Variants in GRWD1 observed in about 807,000 individuals in gnomAD.
GRWD1 encodes glutamate-rich WD repeat-containing protein 1.
A neutral mutation model predicts 45.3 loss-of-function variants in GRWD1; 29 were observed. The observed-to-expected ratio is 0.64, with a 90% CI of 0.48 to 0.87. GRWD1 has a LOEUF of 0.87. GRWD1 is among the 40% of genes least tolerant of loss of function. GRWD1 has a pLI of 0.00. For missense variants in GRWD1, 592 were observed against 618.8 expected, an observed-to-expected ratio of 0.96 and a Z score of 0.46; for synonymous variants, 262 against 257.6, an observed-to-expected ratio of 1.02 and a Z score of -0.16.
chr19:48,456,811 G>GCGATTCCCTCCATTTCTTTT lies in GRWD1; in HGVS notation c.*3788_*3807dup, dbSNP rs1471997453. ...CTTTGGTCCACCCTGACAGGCTGCTGCGATTCCCTCCATTTCTTTTCTTCC... is the reference window on the plus strand; with the variant it reads ...CTTTGGTCCACCCTGACAGGCTGCTGCGATTCCCTCCATTTCTTTTCGATTCCCTCCATTTCTTTTCTTCC... On this transcript the variant is annotated 3_prime_UTR_variant, in exon 7 of 7. Transcript: ENST00000253237. 4 of 151,956 alleles carry GCGATTCCCTCCATTTCTTTT rather than the reference G, an allele frequency of 2.6e-5. No individual in the cohort carries two copies. The highest frequency in any genetic ancestry group is 2.0e-4 in the Admixed American group (3 of 15,252). 9.4% of individuals were successfully genotyped at this position (151,956 alleles called of 1,614,324 possible). A position where few individuals can be genotyped will look rare whatever the true frequency, so the allele number is the denominator to read the frequency against.
chr19:48,446,906 TC>T, intron 3 of GRWD1, 63 bp downstream of exon 3: 1 of 1,373,880 alleles, frequency 7.3e-7, no homozygotes, highest in Non-Finnish European at 9.9e-7. Flanking sequence ...ATCCCCTGTG[TC>T]CATAACTCCC....
rs560539422 is a variant in GRWD1 at position 48,450,146 on chromosome 19, G to A, written c.469-167G>A. ...CCCAGTTACCATGCTGGTTTTTGCA[G>A]GTTGTGATTTTCTTCCCACAGAGGT... is the stretch of plus-strand genomic sequence containing the variant. On this transcript the variant is annotated intron_variant, in intron 3 of 6. Coordinates refer to ENST00000253237, the MANE Select transcript of GRWD1 (RefSeq NM_031485.4). This position sits in a 1 kb window ranked among gnomAD's most constrained non-coding sequence, Gnocchi z 5.1. Among the ~76,000 whole-genome samples, 2 of 151,908 alleles carry A rather than the reference G, an allele frequency of 1.3e-5. No individual in the cohort carries two copies. The highest frequency in any genetic ancestry group is 4.2e-4 in the South Asian group (2 of 4,812).
intron 6 of GRWD1, 124 bp downstream of exon 6, chr19:48,451,355 A>C: frequency 1.3e-6 from 1 of 797,470 alleles, no homozygotes; most frequent in Non-Finnish European, 1.9e-6. Flanking sequence ...TTAGAACTAG[A>C]CTCCTGCCTC....
rs1236279531 is a variant in GRWD1, at chr19:48,453,126, G to C, written c.*101G>C. On this transcript the variant is annotated 3_prime_UTR_variant, in exon 7 of 7. Transcript: ENST00000253237. ...TCAGGTCTGTTGACTGAGACTGGCCGGCCTGTGGGCTGCCGTGATGGATTC... is the reference window on the plus strand; with the variant it reads ...TCAGGTCTGTTGACTGAGACTGGCCCGCCTGTGGGCTGCCGTGATGGATTC... The C allele has an allele frequency of 9.6e-7, 1 of 1,042,302 alleles. No individual in the cohort carries two copies. 64.6% of individuals were successfully genotyped at this position (1,042,302 alleles called of 1,614,324 possible).
chr19:48,452,813 C>G lies in GRWD1; in HGVS notation c.1129C>G (p.Gln377Glu). Residue 377 changes from glutamine to glutamate, a missense_variant, in exon 7 of 7, where the codon CAG (glutamine) becomes GAG (glutamate). Physicochemically the swap from Gln to Glu is conservative, Grantham distance 29. Coordinates refer to ENST00000253237, the MANE Select transcript of GRWD1 (RefSeq NM_031485.4). This position sits in a 1 kb window ranked among gnomAD's most constrained non-coding sequence, Gnocchi z 5.1. Reference sequence around the variant, plus strand: ...CTTTGCAGCCTCGGGTGCAGACCACCAGATCACACAGTGGGACCTGGCAGT... The same window carrying G: ...CTTTGCAGCCTCGGGTGCAGACCACGAGATCACACAGTGGGACCTGGCAGT... ...GVFAASGADH[Q>E]ITQWDLAVER... is the part of the protein sequence containing the mutation. The G allele has an allele frequency of 1.2e-6, 2 of 1,613,398 alleles. No individual in the cohort carries two copies. The highest frequency in any genetic ancestry group is 1.7e-5 in the Admixed American group (1 of 59,996).
At chr19:48,446,876 C>T in intron 3 of GRWD1, 33 bp downstream of exon 3, 7 of 1,589,608 alleles carry the variant, frequency 4.4e-6, no homozygotes, top group Non-Finnish European at 6.0e-6. Context: ...GCTCTGCATA[C>T]TCTGAAACAC....
At position 48,454,513 on chromosome 19, in the gene GRWD1, C is replaced by G. The variant is rs1971513136; in HGVS notation, c.*1488C>G. On this transcript the variant is annotated 3_prime_UTR_variant, in exon 7 of 7. Coordinates refer to ENST00000253237, the MANE Select transcript of GRWD1 (RefSeq NM_031485.4). Reference sequence around the variant, plus strand: ...CCAAGGACAGACTACAGCCCCTCAGCACCCACAGAGGCTTCCCCTCAGCCC... The same window carrying G: ...CCAAGGACAGACTACAGCCCCTCAGGACCCACAGAGGCTTCCCCTCAGCCC... 2.0e-5 allele frequency: 3 copies of G among 152,538 alleles called. No homozygotes were observed. The highest frequency in any genetic ancestry group is 7.2e-5 in the African/African-American group (3 of 41,428). The allele number at this position is 152,538 out of a possible 1,614,324, so 9.4% of individuals were successfully genotyped here. A position where few individuals can be genotyped will look rare whatever the true frequency, so the allele number is the denominator to read the frequency against.
In GRWD1 at chr19:48,452,252, A is replaced by G. The variant is rs1971483624; in HGVS notation, c.1024-456A>G. On this transcript the variant is annotated intron_variant, in intron 6 of 6. Transcript: ENST00000253237. This position sits in a 1 kb window ranked among gnomAD's most constrained non-coding sequence, Gnocchi z 5.1. ...GTAACTGGGATTACAGGCATGTGAC[A>G]CCAGCCCGGCTAATTTTGTATTTTT... Among the ~76,000 whole-genome samples the G allele has an allele frequency of 6.6e-6, 1 of 151,822 alleles. No individual in the cohort carries two copies. The highest frequency in any genetic ancestry group is 6.6e-5 in the Admixed American group (1 of 15,248).
At position 48,446,499 on chromosome 19, in the gene GRWD1, A is replaced by C. The variant is rs1205314817; in HGVS notation, c.302A>C (p.Asn101Thr). ...ACCCAGGCTGAGAGCGCCCAGAGCA[A>C]CAGGTAAGACCCGAGGCTTTTCCAG... ...AGTQAESAQS[N>T]RLMMLRMHNL... Residue 101 changes from asparagine to threonine, a missense_variant, in exon 2 of 7, where the codon AAC (asparagine) becomes ACC (threonine). Physicochemically the swap from Asn to Thr is moderately conservative, Grantham distance 65. Transcript: ENST00000253237. 2.5e-6 allele frequency: 4 copies of C among 1,613,550 alleles called. No homozygotes were observed. Among genetic ancestry groups the C allele is most frequent in the African/African-American group, 2.7e-5 (2 of 74,894 alleles).
At chr19:48,447,444 T>C (rs969905993) in intron 3 of GRWD1, among the ~76,000 whole-genome samples, 7 of 151,890 alleles carry the variant, frequency 4.6e-5, no homozygotes, top group African/African-American at 1.7e-4. Flanking sequence ...GGTTTCACAA[T>C]GTTGATCAGG....
intron 6 of GRWD1, among the ~76,000 whole-genome samples, chr19:48,451,591 G>A (rs1971476466): frequency 6.6e-6 from 1 of 152,182 alleles, no homozygotes; most frequent in Non-Finnish European, 1.5e-5. Context: ...CTGAGAATCG[G>A]GGCCCAGCCT....
rs553977500 is a variant in GRWD1, at chr19:48,452,189, T to TCG, written c.1024-518_1024-517insGC. Among the ~76,000 whole-genome samples the TCG allele has an allele frequency of 2.0e-5, 3 of 151,214 alleles. No homozygotes were observed. Among genetic ancestry groups the TCG allele is most frequent in the Non-Finnish European group, 4.4e-5 (3 of 67,878 alleles). ...ATCTCGGCTCACTGCAACCTCCCGC[T>TCG]CCTGGGTTCAAGCGATTCTCCTGCC... On this transcript the variant is annotated intron_variant, in intron 6 of 6. Coordinates refer to ENST00000253237, the MANE Select transcript of GRWD1 (RefSeq NM_031485.4). This position sits in a 1 kb window ranked among gnomAD's most constrained non-coding sequence, Gnocchi z 5.1.
chr19:48,447,415 G>C (rs1287580409), intron 3 of GRWD1, among the ~76,000 whole-genome samples: 1 of 152,026 alleles, frequency 6.6e-6, no homozygotes, highest in African/African-American at 2.4e-5. Context: ...GCTAATTTTT[G>C]TATTCTTAGT....
At position 48,451,097 on chromosome 19, in the gene GRWD1, A is replaced by G; in HGVS notation, c.889A>G (p.Lys297Glu). 1 of 1,614,098 alleles carries G rather than the reference A, an allele frequency of 6.2e-7. No individual in the cohort carries two copies. Reference protein sequence around the residue: ...RIWDIRAAPSKACMLTTATAH... With the variant: ...RIWDIRAAPSEACMLTTATAH... ...CTGGGACATCCGGGCAGCCCCCAGC[A>G]AGGCCTGCATGCTCACCACAGCCAC... The change falls in exon 6 of 7, where the codon AAG becomes GAG. Residue 297 changes from lysine to glutamate, a missense_variant. Physicochemically the swap from Lys to Glu is moderately conservative, Grantham distance 56 (BLOSUM62 1). Transcript: ENST00000253237.
chr19:48,449,597 A>G (rs190093677), intron 3 of GRWD1, among the ~76,000 whole-genome samples: 1 of 152,292 alleles, frequency 6.6e-6, no homozygotes, highest in East Asian at 1.9e-4. Flanking sequence ...CTGATGCAGA[A>G]GGATCGCTTG....
At position 48,450,618 on chromosome 19, in the gene GRWD1, G is replaced by C. The variant is rs778234552; in HGVS notation, c.683-48G>C. ...GCGCTTAGACTCCAAGGAGGGGAGC[G>C]AGCTGCGGCCAGGTGGGGCGAGGTC... On this transcript the variant is annotated intron_variant, in intron 4 of 6. Coordinates refer to ENST00000253237, the MANE Select transcript of GRWD1 (RefSeq NM_031485.4). This position sits in a 1 kb window ranked among gnomAD's most constrained non-coding sequence, Gnocchi z 5.1. The C allele has an allele frequency of 1.9e-6, 3 of 1,609,932 alleles. No homozygotes were observed. The highest frequency in any genetic ancestry group is 1.7e-4 in the Middle Eastern group (1 of 6,034).
rs1341619961 is a variant in GRWD1, at chr19:48,446,370, G to A, written c.188-15G>A. 4 of 1,612,402 alleles carry A rather than the reference G, an allele frequency of 2.5e-6. No individual in the cohort carries two copies. Among genetic ancestry groups the A allele is most frequent in the East Asian group, 2.2e-5 (1 of 44,878 alleles). ...TGTCCCGTCTTAACTCGTAAACCCCGCCTTCCATCCCCAGGCGCCCCCTGT... is the reference window on the plus strand; with the variant it reads ...TGTCCCGTCTTAACTCGTAAACCCCACCTTCCATCCCCAGGCGCCCCCTGT... On this transcript the variant is annotated splice_polypyrimidine_tract_variant and intron_variant, in intron 1 of 6. Coordinates refer to ENST00000253237, the MANE Select transcript of GRWD1 (RefSeq NM_031485.4).
In GRWD1 at chr19:48,456,800, G is replaced by C. The variant is rs1242590875; in HGVS notation, c.*3775G>C. ...CCAGCCCTTTCCTTTGGTCCACCCT[G>C]ACAGGCTGCTGCGATTCCCTCCATT... On this transcript the variant is annotated 3_prime_UTR_variant, in exon 7 of 7. Coordinates refer to ENST00000253237, the MANE Select transcript of GRWD1 (RefSeq NM_031485.4). The C allele has an allele frequency of 6.6e-6, 1 of 152,022 alleles. No homozygotes were observed. The highest frequency in any genetic ancestry group is 2.1e-4 in the South Asian group (1 of 4,814). 9.4% of individuals were successfully genotyped at this position (152,022 alleles called of 1,614,324 possible).
In GRWD1 at chr19:48,450,048, C is replaced by T. The variant is rs1179298099; in HGVS notation, c.469-265C>T. On this transcript the variant is annotated intron_variant, in intron 3 of 6. Transcript: ENST00000253237. This position sits in a 1 kb window ranked among gnomAD's most constrained non-coding sequence, Gnocchi z 5.1. ...GGGCTGGTGGGAATTGCAGCCTCAACTCCCAGGCATCCTGGGGCTCTATCC... is the reference window on the plus strand; with the variant it reads ...GGGCTGGTGGGAATTGCAGCCTCAATTCCCAGGCATCCTGGGGCTCTATCC... Among the ~76,000 whole-genome samples the T allele has an allele frequency of 1.3e-5, 2 of 152,078 alleles. No individual in the cohort carries two copies. Among genetic ancestry groups the T allele is most frequent in the East Asian group, 1.9e-4 (1 of 5,178 alleles).
Sources: allele counts gnomAD v4.1 joint callset (sites outside exome capture counted in the v4.1 genomes callset), GRCh38; gene constraint gnomAD v4.1.1; non-coding constraint Gnocchi (gnomAD v3.1); transcripts MANE v1.5; gene names NCBI Gene and HGNC (gene_info 2026-07-23, HGNC 2026-07-21).